ZNF658: variants seen among roughly 807,000 people sequenced by gnomAD.
ZNF658 encodes zinc finger protein 658.
ZNF658 carries 46 observed loss-of-function variants against 78.0 expected under a neutral mutation model. The observed-to-expected ratio is 0.59, with a 90% CI of 0.47 to 0.75. The LOEUF (loss-of-function observed/expected upper bound fraction) is 0.75. Among genes scored for constraint, ZNF658 ranks in the 30% least tolerant of loss-of-function variants. ZNF658 has a pLI of 0.00. For synonymous variants in ZNF658, 279 were observed against 408.4 expected, an observed-to-expected ratio of 0.68 and a Z score of 3.82; for missense variants, 785 against 1,189.3, an observed-to-expected ratio of 0.66 and a Z score of 5.00.
At chr9:66,928,986 T>A (rs1056030915) in intron 6 of ZNF658, among the ~76,000 whole-genome samples, 1 of 149,524 alleles carries the variant, frequency 6.7e-6, no homozygotes, top group African/African-American at 2.5e-5. Flanking sequence ...CTCTTAGGAA[T>A]GAGAAATTGG....
chr9:66,912,218 G>T (rs1822228846), intron 4 of ZNF658, among the ~76,000 whole-genome samples: 1 of 110,014 alleles, frequency 9.1e-6, no homozygotes. Flanking sequence ...ATGAGGAAAG[G>T]ATCTTGAGGT....
At chr9:66,913,567 C>T (rs1822265548) in intron 4 of ZNF658, among the ~76,000 whole-genome samples, 1 of 152,154 alleles carries the variant, frequency 6.6e-6, no homozygotes, top group African/African-American at 2.4e-5. Context: ...AGGAGGCTCA[C>T]TAAAACTGAA....
chr9:66,913,190 C>T lies in ZNF658; in HGVS notation c.238+4456C>T, dbSNP rs573226206. Among the ~76,000 whole-genome samples the T allele has an allele frequency of 2.5e-4, 38 of 150,978 alleles. No individual in the cohort carries two copies. In the South Asian group the frequency reaches 7.0e-3, roughly 28 times the overall value. On this transcript the variant is annotated intron_variant, in intron 4 of 4. Coordinates refer to ENST00000621410, the MANE Select transcript of ZNF658 (RefSeq NM_033160.7). ...CTGTAATCCTAGCATTTTGGGAGGC[C>T]GAGGCGGGTGGATCACCTGAGGTCA...
chr9:66,909,538 G>A (rs78911116), intron 4 of ZNF658, among the ~76,000 whole-genome samples: 79,410 of 149,978 alleles, frequency 0.53, 21,403 homozygotes, highest in African/African-American at 0.65. Flanking sequence ...TTATTTACAG[G>A]TTTCTGCATG....
chr9:66,905,558 A>G (rs551893290), intron 2 of ZNF658, among the ~76,000 whole-genome samples: 346 of 150,038 alleles, frequency 2.3e-3, no homozygotes, highest in African/African-American at 8.1e-3. Flanking sequence ...ATGCTGTCCA[A>G]CTGTTCATTT....
rs888609668 is a variant in ZNF658 at position 66,908,693 on chromosome 9, C to T, written c.197C>T (p.Pro66Leu). 1 of 1,603,700 alleles carries T rather than the reference C, an allele frequency of 6.2e-7. No individual in the cohort carries two copies. Among genetic ancestry groups the T allele is most frequent in the African/African-American group, 1.4e-5 (1 of 74,060 alleles). ...TCCAAGTTGGAGAAAGGAGAAGAGC[C>T]ATGGTCTTTAGAAGATGAATTCCTG... ...VISKLEKGEEPWSLEDEFLNQ... is the reference protein window; with the variant it reads ...VISKLEKGEELWSLEDEFLNQ... The change falls in exon 4 of 5, where the codon CCA (proline) becomes CTA (leucine). Residue 66 changes from proline to leucine, a missense_variant. Transcript: ENST00000621410.
intron 1 of ZNF658, among the ~76,000 whole-genome samples, chr9:66,902,368 G>A (rs1821971617): frequency 8.0e-6 from 1 of 125,046 alleles, no homozygotes; most frequent in Non-Finnish European, 1.7e-5. Context: ...CCCAGAGGCA[G>A]TTGTTGACTC....
chr9:66,901,875 G>T (rs1821960266), intron 1 of ZNF658, among the ~76,000 whole-genome samples: 1 of 152,112 alleles, frequency 6.6e-6, no homozygotes, highest in South Asian at 2.1e-4. Context: ...ACCCGAGGCG[G>T]ACGCTGCAGT....
At chr9:66,901,881 G>C (rs553527905) in intron 1 of ZNF658, among the ~76,000 whole-genome samples, 1 of 152,232 alleles carries the variant, frequency 6.6e-6, no homozygotes, top group African/African-American at 2.4e-5. Context: ...GGCGGACGCT[G>C]CAGTGAGCCA....
At position 66,918,261 on chromosome 9, in the gene ZNF658, C is replaced by T; in HGVS notation, c.695C>T (p.Thr232Ile). ...TTATATGATAAGACAATTTGTATTACACCTCAGAGTTTTCTAACAGGAGAA... is the reference window on the plus strand; with the variant it reads ...TTATATGATAAGACAATTTGTATTATACCTCAGAGTTTTCTAACAGGAGAA... The part of the protein sequence containing the change: ...QGLYDKTICI[T>I]PQSFLTGEKS... The change falls in exon 5 of 5, where the codon ACA (threonine) becomes ATA (isoleucine). Residue 232 changes from threonine (T) to isoleucine (I), a missense_variant. Thr to Ile is a moderately conservative substitution (Grantham distance 89, BLOSUM62 -1). Around this residue, in one of 12 missense-constraint regions of ZNF658, gnomAD observed 393 missense variants for 400.2 expected, o/e 0.98. Transcript: ENST00000621410. 2 of 1,611,820 alleles carry T rather than the reference C, an allele frequency of 1.2e-6. No individual in the cohort carries two copies. The highest frequency in any genetic ancestry group is 8.5e-7 in the Non-Finnish European group (1 of 1,178,952).
downstream of ZNF658, among the ~76,000 whole-genome samples, chr9:66,922,212 A>G (rs1280175540): frequency 3.1e-4 from 46 of 147,810 alleles, no homozygotes; most frequent in African/African-American, 1.1e-3. Context: ...GCACAGTATT[A>G]GGGTTGGAGT....
At chr9:66,928,569 T>C (rs1420890638) in intron 6 of ZNF658, among the ~76,000 whole-genome samples, 4 of 151,190 alleles carry the variant, frequency 2.6e-5, no homozygotes, top group African/African-American at 7.3e-5. Context: ...TTATGATTTA[T>C]AGGCCATACA....
rs1564176720 is a variant in ZNF658 at position 66,920,227 on chromosome 9, T to C, written c.2661T>C (p.Cys887=). The change falls in exon 5 of 5, where the codon TGT becomes TGC. Residue 887 remains cysteine, a synonymous_variant. Transcript: ENST00000621410. ...TGEKPYECND[C]GKTFSKTSHL... The stretch of plus-strand genomic sequence containing the variant: ...AGAAACCCTATGAATGTAATGACTG[T>C]GGGAAGACTTTCTCCAAGACATCAC... The C allele has an allele frequency of 1.2e-6, 2 of 1,611,494 alleles. No homozygotes were observed. Among genetic ancestry groups the C allele is most frequent in the Non-Finnish European group, 1.7e-6 (2 of 1,179,396 alleles).
downstream of ZNF658, among the ~76,000 whole-genome samples, chr9:66,922,497 CT>C (rs945164778): frequency 8.4e-6 from 1 of 118,528 alleles, no homozygotes. Context: ...ATGTAAATTT[CT>C]TTTAAAGATA....
chr9:66,921,572 T>C (rs1013789129), downstream of ZNF658: 1 of 151,986 alleles, frequency 6.6e-6, no homozygotes, highest in African/African-American at 2.4e-5. Context: ...TATTTACCTA[T>C]AGAAAAACTC....
At chr9:66,901,384 C>T (rs1423502799) in intron 1 of ZNF658, among the ~76,000 whole-genome samples, 3 of 152,042 alleles carry the variant, frequency 2.0e-5, no homozygotes, top group Non-Finnish European at 4.4e-5. Flanking sequence ...TGCTGTCTGC[C>T]TGAAACCCAG....
At chr9:66,903,422 A>G (rs1821997984) in intron 1 of ZNF658, 96 bp from the exon 2 acceptor site, 1 of 757,156 alleles carries the variant, frequency 1.3e-6, no homozygotes, top group Non-Finnish European at 2.4e-6. Context: ...TAAAACCATT[A>G]TCAAGTCGAA....
At chr9:66,911,052 A>C (rs1039080508) in intron 4 of ZNF658, among the ~76,000 whole-genome samples, 1 of 145,830 alleles carries the variant, frequency 6.9e-6, no homozygotes, top group Non-Finnish European at 1.5e-5. Context: ...TAGAATTAGG[A>C]CATCATAATG....
downstream of ZNF658, among the ~76,000 whole-genome samples, chr9:66,925,828 C>T (rs1443594805): frequency 1.3e-5 from 2 of 150,754 alleles, no homozygotes; most frequent in Admixed American, 1.3e-4. Context: ...AATATAGATG[C>T]AAGGATCCTC....
Sources: gnomAD v4.1 joint callset for allele counts (sites outside exome capture counted in the v4.1 genomes callset) on GRCh38, gnomAD v4.1.1 for gene constraint, gnomAD v4.1.1 regional missense constraint, MANE v1.5 for transcripts, NCBI Gene and HGNC (gene_info 2026-07-23, HGNC 2026-07-21) for gene names.